Variants in COL23A1 observed in about 807,000 individuals in gnomAD.
COL23A1 encodes the protein collagen type XXIII alpha 1 chain.
In COL23A1, 97 loss-of-function variants were observed where a neutral mutation model predicts 99.3. That is an observed-to-expected ratio of 0.98 (90% CI 0.83 to 1.16). The LOEUF is 1.16. Ranked by LOEUF, COL23A1 falls within the 50% of genes most tolerant of loss-of-function variation. COL23A1 has a pLI of 0.00. For synonymous variants in COL23A1, 320 were observed against 308.2 expected, an observed-to-expected ratio of 1.04 and a Z score of -0.40; for missense variants, 762 against 757.4, an observed-to-expected ratio of 1.01 and a Z score of -0.07.
chr5:178,530,023 G>A (rs1487825157), intron 2 of COL23A1, among the ~76,000 whole-genome samples: 5 of 152,170 alleles, frequency 3.3e-5, no homozygotes, highest in East Asian at 1.9e-4. Flanking sequence ...GTTTTTCTAC[G>A]GTCTTGCCCT....
At chr5:178,279,054 A>G (rs1448061050) in intron 5 of COL23A1, among the ~76,000 whole-genome samples, 3 of 152,126 alleles carry the variant, frequency 2.0e-5, no homozygotes, top group African/African-American at 7.2e-5. Flanking sequence ...TGGAGCTCGG[A>G]GAGGCCAGGA....
At chr5:178,537,516 T>C (rs1032938919) in intron 2 of COL23A1, among the ~76,000 whole-genome samples, 1 of 152,140 alleles carries the variant, frequency 6.6e-6, no homozygotes, top group African/African-American at 2.4e-5. Flanking sequence ...ACAAGGGGTG[T>C]CCTCAGAGGG....
chr5:178,273,339 AG>A lies in COL23A1; in HGVS notation c.442-2977del, dbSNP rs1756402057. 3.3e-5 allele frequency among the ~76,000 whole-genome samples: 5 copies of A among 152,310 alleles called. No homozygotes were observed. In the South Asian group the frequency reaches 1.0e-3, roughly 32 times the overall value. On this transcript the variant is annotated intron_variant, in intron 5 of 28. Coordinates refer to ENST00000390654, the MANE Select transcript of COL23A1 (RefSeq NM_173465.4). ...CTGAGCTGGACGCTGCCCTCTGTCA[AG>A]CTAGGACTGTTCCTGGGGGGTCACT... is the stretch of plus-strand genomic sequence containing the variant.
At chr5:178,256,286 G>T in intron 15 of COL23A1, 67 bp downstream of exon 15, 2 of 1,211,482 alleles carry the variant, frequency 1.7e-6, no homozygotes, top group Non-Finnish European at 2.2e-6. Flanking sequence ...GTGGGGACAG[G>T]GGCTTCTGAA....
At chr5:178,240,613 C>A (rs1347995618) in intron 27 of COL23A1, among the ~76,000 whole-genome samples, 1 of 152,246 alleles carries the variant, frequency 6.6e-6, no homozygotes, top group Non-Finnish European at 1.5e-5. Context: ...CGGGGCTGGG[C>A]CACCCTGCCC....
In COL23A1 at chr5:178,393,792, C is replaced by T. The variant is rs554275373; in HGVS notation, c.362-86873G>A. Among the ~76,000 whole-genome samples, 34 of 152,210 alleles carry T rather than the reference C, an allele frequency of 2.2e-4. No homozygotes were observed. In the South Asian group the frequency reaches 6.4e-3, roughly 29 times the overall value. On this transcript the variant is annotated intron_variant, in intron 2 of 28. Transcript: ENST00000390654. The stretch of plus-strand genomic sequence containing the variant: ...CTGGGACTACAGGTGTGCACCACCA[C>T]GCCTGGCTAATTTTTGTACAGATGG...
At chr5:178,249,322 C>G (rs1764887044) in intron 18 of COL23A1, 116 bp from the exon 19 acceptor site, 2 of 948,896 alleles carry the variant, frequency 2.1e-6, no homozygotes, top group African/African-American at 1.6e-5. Flanking sequence ...TTGTGGGTCC[C>G]CACCTCCAGC....
chr5:178,349,592 T>C (rs1761198506), intron 2 of COL23A1, among the ~76,000 whole-genome samples: 1 of 147,402 alleles, frequency 6.8e-6, no homozygotes, highest in Non-Finnish European at 1.5e-5. Context: ...CTGCCTCACC[T>C]TTCCACGGCA....
intron 2 of COL23A1, among the ~76,000 whole-genome samples, chr5:178,404,511 C>G (rs1764643749): frequency 1.0e-5 from 1 of 96,006 alleles, no homozygotes; most frequent in Non-Finnish European, 1.8e-5. Context: ...GGCACCAAGG[C>G]ATGAAATTGA....
chr5:178,324,731 A>G (rs1224716318), intron 2 of COL23A1, among the ~76,000 whole-genome samples: 2 of 152,222 alleles, frequency 1.3e-5, no homozygotes, highest in African/African-American at 4.8e-5. Context: ...CTGGGACAGA[A>G]GTGCCTCACC....
chr5:178,242,302 C>G, intron 26 of COL23A1, 39 bp downstream of exon 26: 4 of 1,604,832 alleles, frequency 2.5e-6, no homozygotes, highest in Non-Finnish European at 3.4e-6. Flanking sequence ...CCTCCTTCCC[C>G]CTCTCCTCCT....
chr5:178,314,710 A>G (rs1758886309), intron 2 of COL23A1, among the ~76,000 whole-genome samples: 3 of 152,194 alleles, frequency 2.0e-5, no homozygotes, highest in Admixed American at 1.3e-4. Context: ...TCTCGAGTCT[A>G]CGGTATTAAC....
chr5:178,360,545 G>C (rs1762122677), intron 2 of COL23A1, among the ~76,000 whole-genome samples: 1 of 152,230 alleles, frequency 6.6e-6, no homozygotes, highest in African/African-American at 2.4e-5. Context: ...ACCGCACACA[G>C]ATCTGTGTTC....
chr5:178,441,900 T>C (rs566077071), intron 2 of COL23A1, among the ~76,000 whole-genome samples: 51 of 152,252 alleles, frequency 3.3e-4, no homozygotes, highest in African/African-American at 1.2e-3. Flanking sequence ...ACAGGAGGAC[T>C]GGGGTTTTGT....
At chr5:178,466,649 G>T (rs1013535909) in intron 2 of COL23A1, among the ~76,000 whole-genome samples, 1 of 152,240 alleles carries the variant, frequency 6.6e-6, no homozygotes, top group Non-Finnish European at 1.5e-5. Flanking sequence ...TGCTGCGGGG[G>T]ATGGCCCTGC....
At chr5:178,557,321 G>T (rs969714000) in intron 2 of COL23A1, among the ~76,000 whole-genome samples, 17 of 152,182 alleles carry the variant, frequency 1.1e-4, no homozygotes, top group African/African-American at 3.6e-4. Context: ...CACCCGCAAA[G>T]ACCCTATTTT....
intron 3 of COL23A1, among the ~76,000 whole-genome samples, chr5:178,292,496 G>C (rs1425744237): frequency 6.6e-6 from 1 of 152,218 alleles, no homozygotes; most frequent in Non-Finnish European, 1.5e-5. Context: ...CTCACAGCAA[G>C]AAACAGTGGG....
chr5:178,515,448 G>C (rs997194300), intron 2 of COL23A1, among the ~76,000 whole-genome samples: 1 of 152,276 alleles, frequency 6.6e-6, no homozygotes, highest in Admixed American at 6.5e-5. Flanking sequence ...AGCCAGAGTA[G>C]GGACATGTCA....
intron 2 of COL23A1, among the ~76,000 whole-genome samples, chr5:178,553,169 TAAAAA>T (rs55857926): frequency 1.5e-5 from 2 of 135,076 alleles, no homozygotes; most frequent in South Asian, 2.5e-4. Context: ...GATCCTATCT[TAAAAA>T]AAAAAAAAAA....
Sources: gnomAD v4.1 joint callset for allele counts (sites outside exome capture counted in the v4.1 genomes callset) on GRCh38, gnomAD v4.1.1 for gene constraint, MANE v1.5 for transcripts, NCBI Gene and HGNC (gene_info 2026-07-23, HGNC 2026-07-21) for gene names.